The following LUZP2 variants were observed in gnomAD, a reference collection of about 807,000 sequenced individuals.
LUZP2 encodes leucine zipper protein 2.
LUZP2 carries 52 observed loss-of-function variants against 51.6 expected under a neutral mutation model. That is an observed-to-expected ratio of 1.01 (90% CI 0.81 to 1.27). The LOEUF (loss-of-function observed/expected upper bound fraction) is 1.27, where lower values mean the gene tolerates loss of function less well. LUZP2 is among the 50% of genes most tolerant of loss of function. The probability of loss-of-function intolerance (pLI) is 0.00; values close to 1 mark genes in which losing one functional copy is unlikely to be tolerated. For synonymous variants in LUZP2, 154 were observed against 137.3 expected, an observed-to-expected ratio of 1.12 and a Z score of -0.85; for missense variants, 436 against 395.4, an observed-to-expected ratio of 1.10 and a Z score of -0.87.
At chr11:25,020,342 A>G (rs777604544) in intron 9 of LUZP2, among the ~76,000 whole-genome samples, 2 of 152,116 alleles carry the variant, frequency 1.3e-5, no homozygotes, top group African/African-American at 2.4e-5. Context: ...TTACTAATAA[A>G]TTGTGATAAT....
chr11:24,592,098 G>A (rs1590216271), intron 1 of LUZP2, among the ~76,000 whole-genome samples: 1 of 152,270 alleles, frequency 6.6e-6, no homozygotes, highest in East Asian at 1.9e-4. Flanking sequence ...TCTGTGTGTG[G>A]GTGCCTTTCA....
rs76112889 is a variant in LUZP2, at chr11:24,674,471, A to T, written c.63-54698A>T. 3.3e-3 allele frequency among the ~76,000 whole-genome samples: 507 copies of T among 152,322 alleles called. 10 individuals are homozygous for T. The East Asian group carries it at 0.052, about 16-fold the overall frequency. ...AATCACCAGGAGAATAACAACAACC[A>T]ATGACACAAAAATAAGGTGAAGGAA... On this transcript the variant is annotated intron_variant, in intron 1 of 11. Coordinates refer to ENST00000336930, the MANE Select transcript of LUZP2 (RefSeq NM_001009909.4).
chr11:24,551,706 C>G (rs561536204), intron 1 of LUZP2, among the ~76,000 whole-genome samples: 1 of 151,490 alleles, frequency 6.6e-6, no homozygotes, highest in East Asian at 1.9e-4. Flanking sequence ...AGAGGAAAAT[C>G]AAAGAAACAA....
chr11:24,518,439 A>C (rs932336002), intron 1 of LUZP2, among the ~76,000 whole-genome samples: 1 of 152,108 alleles, frequency 6.6e-6, no homozygotes, highest in East Asian at 1.9e-4. Context: ...ATAACAAGCT[A>C]TTTGAGGGTG....
rs558638515 is a variant in LUZP2, at chr11:24,511,420, A to AAAT, written c.62+14116_62+14117insATA. 4.4e-4 allele frequency among the ~76,000 whole-genome samples: 66 copies of AAAT among 151,514 alleles called. 1 individual carries two copies. In the East Asian group the frequency reaches 0.011, roughly 25 times the overall value. ...TTTAATTAATTAAAAAATAAAAAAA[A>AAAT]ATACAATGGCAAGATTTTGGATTAG... On this transcript the variant is annotated intron_variant, in intron 1 of 11. Transcript: ENST00000336930.
chr11:24,510,810 A>G (rs1850285776), intron 1 of LUZP2, among the ~76,000 whole-genome samples: 1 of 152,140 alleles, frequency 6.6e-6, no homozygotes. Context: ...TGGGCCAAGA[A>G]AGTATTGTGG....
Position 24,611,125 on chromosome 11 carries a change from T to C in LUZP2, c.62+113820T>C, listed in dbSNP as rs1387544805. 6.6e-6 allele frequency among the ~76,000 whole-genome samples: 1 copy of C among 152,162 alleles called. No individual in the cohort carries two copies. Among genetic ancestry groups the C allele is most frequent in the Non-Finnish European group, 1.5e-5 (1 of 68,038 alleles). On this transcript the variant is annotated intron_variant, in intron 1 of 11. Transcript: ENST00000336930. The surrounding 1 kb of genome is among the most constrained non-coding windows in gnomAD (Gnocchi z 4.6). ...CTATCCGAAGTAACATATAAGTGACTTTTATTTATATTACATTTATAAATC... is the reference window on the plus strand; with the variant it reads ...CTATCCGAAGTAACATATAAGTGACCTTTATTTATATTACATTTATAAATC...
At chr11:24,517,444 C>G (rs1299820814) in intron 1 of LUZP2, among the ~76,000 whole-genome samples, 2 of 125,590 alleles carry the variant, frequency 1.6e-5, no homozygotes, top group Admixed American at 2.1e-4. Flanking sequence ...CAAGATCCCG[C>G]CACTGCACTC....
intron 1 of LUZP2, among the ~76,000 whole-genome samples, chr11:24,630,658 C>G (rs1370925010): frequency 7.0e-6 from 1 of 142,030 alleles, no homozygotes; most frequent in Non-Finnish European, 1.5e-5. Flanking sequence ...CTTGTAATGG[C>G]TTTGGCTATT....
At position 24,720,362 on chromosome 11, in the gene LUZP2, A is replaced by T. The variant is rs575704936; in HGVS notation, c.63-8807A>T. Among the ~76,000 whole-genome samples the T allele has an allele frequency of 3.9e-5, 6 of 152,326 alleles. No homozygotes were observed. The East Asian group carries it at 1.2e-3, about 29-fold the overall frequency. On this transcript the variant is annotated intron_variant, in intron 1 of 11. Coordinates refer to ENST00000336930, the MANE Select transcript of LUZP2 (RefSeq NM_001009909.4). ...TTTTTTCTATGAAAATAAATGTAAA[A>T]ATTATAAGCAAAATATTAGGAAACT...
intron 1 of LUZP2, among the ~76,000 whole-genome samples, chr11:24,559,642 A>G (rs1851972591): frequency 6.6e-6 from 1 of 152,210 alleles, no homozygotes; most frequent in African/African-American, 2.4e-5. Context: ...GTAGGTTTAA[A>G]TAAGTGACAG....
At chr11:25,045,575 C>A (rs1051540562) in intron 9 of LUZP2, among the ~76,000 whole-genome samples, 1 of 152,142 alleles carries the variant, frequency 6.6e-6, no homozygotes, top group African/African-American at 2.4e-5. Context: ...AAAATCTGGG[C>A]ACATTTTAAT....
At chr11:24,781,657 A>G (rs2129358) in intron 5 of LUZP2, among the ~76,000 whole-genome samples, 6,464 of 152,166 alleles carry the variant, frequency 0.042, 184 homozygotes, top group South Asian at 0.094. Context: ...TGGTAATACT[A>G]GAAATCAAAA....
intron 5 of LUZP2, among the ~76,000 whole-genome samples, chr11:24,807,878 A>G (rs1267231878): frequency 6.6e-6 from 1 of 152,142 alleles, no homozygotes; most frequent in African/African-American, 2.4e-5. Context: ...TTGCCATAGT[A>G]ACATATTTTG....
intron 5 of LUZP2, among the ~76,000 whole-genome samples, chr11:24,845,177 AG>A: frequency 6.6e-6 from 1 of 152,174 alleles, no homozygotes; most frequent in East Asian, 1.9e-4. Flanking sequence ...TGTGAAGCAG[AG>A]GTGTGGAGCT....
chr11:25,040,626 A>G (rs1333856390), intron 9 of LUZP2, among the ~76,000 whole-genome samples: 1 of 152,100 alleles, frequency 6.6e-6, no homozygotes, highest in Non-Finnish European at 1.5e-5. Context: ...TATGGAGCTA[A>G]TAATATCTGT....
At chr11:24,782,204 G>T (rs1423523443) in intron 5 of LUZP2, among the ~76,000 whole-genome samples, 2 of 152,070 alleles carry the variant, frequency 1.3e-5, no homozygotes. Flanking sequence ...CTGGCAATCT[G>T]TTGACTGAGT....
At chr11:24,519,824 C>T (rs993953673) in intron 1 of LUZP2, among the ~76,000 whole-genome samples, 1 of 152,088 alleles carries the variant, frequency 6.6e-6, no homozygotes, top group African/African-American at 2.4e-5. Flanking sequence ...AATTTTGCTT[C>T]ATGATTAATT....
At chr11:24,940,092 A>G (rs2041731703) in intron 7 of LUZP2, among the ~76,000 whole-genome samples, 1 of 152,018 alleles carries the variant, frequency 6.6e-6, no homozygotes, top group South Asian at 2.1e-4. Context: ...GAAAAAAAGG[A>G]GAAAGGATTG....
Sources: allele counts gnomAD v4.1 joint callset (sites outside exome capture counted in the v4.1 genomes callset), GRCh38; gene constraint gnomAD v4.1.1; non-coding constraint Gnocchi (gnomAD v3.1); transcripts MANE v1.5; gene names NCBI Gene and HGNC (gene_info 2026-07-23, HGNC 2026-07-21).